Variants in PARN observed in about 807,000 individuals in gnomAD.
PARN encodes the protein poly(A)-specific ribonuclease.
In PARN, 71 loss-of-function variants were observed where a neutral mutation model predicts 102.8. The ratio of observed to expected loss-of-function variants is 0.69; its 90% CI spans 0.57 to 0.84. The LOEUF (loss-of-function observed/expected upper bound fraction) is 0.84. Ranked by LOEUF, PARN falls within the 40% of genes least tolerant of loss-of-function variation. The pLI, the probability that PARN is intolerant of heterozygous loss-of-function variation, is 0.00. For missense variants in PARN, 782 were observed against 760.9 expected, an observed-to-expected ratio of 1.03 and a Z score of -0.33; for synonymous variants, 261 against 252.9, an observed-to-expected ratio of 1.03 and a Z score of -0.30.
At chr16:14,473,976 G>T (rs116024176) in intron 22 of PARN, among the ~76,000 whole-genome samples, 3,297 of 152,196 alleles carry the variant, frequency 0.022, 60 homozygotes, top group African/African-American at 0.046. Context: ...TTAGAGGGCG[G>T]CCTCCACTAA....
intron 23 of PARN, among the ~76,000 whole-genome samples, chr16:14,442,477 A>T (rs1236334992): frequency 6.6e-6 from 1 of 152,156 alleles, no homozygotes; most frequent in Non-Finnish European, 1.5e-5. Context: ...CTGTACATTC[A>T]CCTCCTGAAA....
intron 3 of PARN, among the ~76,000 whole-genome samples, chr16:14,627,886 G>A (rs1171765024): frequency 6.6e-6 from 1 of 152,200 alleles, no homozygotes; most frequent in Non-Finnish European, 1.5e-5. Flanking sequence ...GCTTGCGCCT[G>A]TAGTCCCAAC....
chr16:14,582,894 A>T (rs1384495466), intron 16 of PARN, among the ~76,000 whole-genome samples: 1 of 152,208 alleles, frequency 6.6e-6, no homozygotes, highest in Non-Finnish European at 1.5e-5. Flanking sequence ...CTTGGTACAT[A>T]GTAAGTGCTC....
intron 22 of PARN, among the ~76,000 whole-genome samples, chr16:14,475,118 G>A (rs1273377464): frequency 6.6e-6 from 1 of 152,228 alleles, no homozygotes; most frequent in Non-Finnish European, 1.5e-5. Context: ...CTAGAGGGAA[G>A]AGACTGGCCA....
At chr16:14,455,738 T>G (rs1961650822) in intron 22 of PARN, among the ~76,000 whole-genome samples, 1 of 152,148 alleles carries the variant, frequency 6.6e-6, no homozygotes, top group African/African-American at 2.4e-5. Context: ...AACATACACT[T>G]GCAATATGGT....
At chr16:14,581,554 C>A (rs2151750047) in intron 17 of PARN, among the ~76,000 whole-genome samples, 1 of 152,180 alleles carries the variant, frequency 6.6e-6, no homozygotes, top group Non-Finnish European at 1.5e-5. Flanking sequence ...TGAAGCCTCC[C>A]CAGTACGATG....
At chr16:14,470,437 G>GATGATGATGATT (rs369121377) in intron 22 of PARN, among the ~76,000 whole-genome samples, 166 of 147,156 alleles carry the variant, frequency 1.1e-3, no homozygotes, top group Non-Finnish European at 1.8e-3. Context: ...GAGTTTGGAT[G>GATGATGATGATT]ATTATTATTA....
intron 22 of PARN, among the ~76,000 whole-genome samples, chr16:14,478,984 G>A (rs1335125733): frequency 6.6e-6 from 1 of 152,128 alleles, no homozygotes; most frequent in Non-Finnish European, 1.5e-5. Context: ...TGGCCAGGCT[G>A]GTCTTGAACT....
chr16:14,466,336 A>AT (rs905715182), intron 22 of PARN, among the ~76,000 whole-genome samples: 18 of 151,816 alleles, frequency 1.2e-4, no homozygotes, highest in Admixed American at 4.6e-4. Flanking sequence ...CATTGAAAAT[A>AT]TTTTTTTTTA....
chr16:14,507,246 A>G (rs1311413163), intron 21 of PARN, among the ~76,000 whole-genome samples: 1 of 151,954 alleles, frequency 6.6e-6, no homozygotes, highest in African/African-American at 2.4e-5. Flanking sequence ...GAATCACTTG[A>G]ACCTGGGAGG....
chr16:14,579,583 T>C (rs1969378347), intron 18 of PARN, among the ~76,000 whole-genome samples: 1 of 151,768 alleles, frequency 6.6e-6, no homozygotes, highest in Admixed American at 6.6e-5. Flanking sequence ...AAAATAATAA[T>C]AATAATACAA....
intron 18 of PARN, among the ~76,000 whole-genome samples, chr16:14,570,377 C>G (rs1480195182): frequency 2.0e-5 from 3 of 149,424 alleles, no homozygotes; most frequent in Non-Finnish European, 4.4e-5. Flanking sequence ...GGGCCGGGCC[C>G]TGTGGCTCAT....
chr16:14,592,482 C>T (rs1210316091), intron 13 of PARN, among the ~76,000 whole-genome samples: 4 of 152,154 alleles, frequency 2.6e-5, no homozygotes. Context: ...CGTGAGGCCA[C>T]GCAAACCGTA....
chr16:14,535,555 T>C (rs1596604808), intron 21 of PARN, among the ~76,000 whole-genome samples: 1 of 152,204 alleles, frequency 6.6e-6, no homozygotes, highest in Non-Finnish European at 1.5e-5. Flanking sequence ...ATACATTTCA[T>C]GATTAGAAAA....
Position 14,629,588 on chromosome 16 carries a change from G to A in PARN, c.97+9C>T, listed in dbSNP as rs746984542. 24 of 1,602,378 alleles carry A rather than the reference G, an allele frequency of 1.5e-5. No homozygotes were observed. In the South Asian group the frequency reaches 2.4e-4, roughly 16 times the overall value. On this transcript the variant is annotated intron_variant, in intron 2 of 23. Transcript: ENST00000437198. ...AAAGTGCTAGCCTGAGCTTGCAAGG[G>A]AGGGATACCTGAAAACTCCCCATCG...
chr16:14,576,771 C>T (rs1969168989), intron 18 of PARN, among the ~76,000 whole-genome samples: 1 of 152,192 alleles, frequency 6.6e-6, no homozygotes, highest in Non-Finnish European at 1.5e-5. Flanking sequence ...TGACTTTCCT[C>T]CTGATTCCAA....
chr16:14,451,926 C>G (rs1429375052), intron 22 of PARN, among the ~76,000 whole-genome samples: 1 of 141,456 alleles, frequency 7.1e-6, no homozygotes, highest in Non-Finnish European at 1.5e-5. Flanking sequence ...TGGTGGCATG[C>G]CTGTAGTCCC....
chr16:14,590,429 G>A (rs1327743641), intron 13 of PARN, among the ~76,000 whole-genome samples: 3 of 151,560 alleles, frequency 2.0e-5, no homozygotes, highest in Non-Finnish European at 2.9e-5. Context: ...GAGATGAGGC[G>A]TTCGAGACCA....
chr16:14,606,287 G>C (rs1261561504), intron 10 of PARN, among the ~76,000 whole-genome samples, 197 bp downstream of exon 10: 1 of 151,882 alleles, frequency 6.6e-6, no homozygotes, highest in African/African-American at 2.4e-5. Context: ...TGTAGTCCCA[G>C]CTTGGGAGGC....
Sources: allele counts gnomAD v4.1 joint callset (sites outside exome capture counted in the v4.1 genomes callset), GRCh38; gene constraint gnomAD v4.1.1; transcripts MANE v1.5; gene names NCBI Gene and HGNC (gene_info 2026-07-23, HGNC 2026-07-21).